RPS6KC1: variants seen among roughly 807,000 people sequenced by gnomAD.
The protein encoded by RPS6KC1 is ribosomal protein S6 kinase C1.
RPS6KC1 carries 54 observed loss-of-function variants against 103.8 expected under a neutral mutation model. The observed-to-expected ratio is 0.52, with a 90% confidence interval of 0.42 to 0.65. The LOEUF is 0.65. Among genes scored for constraint, RPS6KC1 ranks in the 30% least tolerant of loss-of-function variants. The pLI is 0.00. For synonymous variants in RPS6KC1, 439 were observed against 438.7 expected, an observed-to-expected ratio of 1.00 and a Z score of -0.01; for missense variants, 1,151 against 1,253.8, an observed-to-expected ratio of 0.92 and a Z score of 1.24.
rs527855383 is a variant in RPS6KC1, at chr1:213,167,723, T to C, written c.836-135T>C. 5 of 490,712 alleles carry C rather than the reference T, an allele frequency of 1.0e-5. No homozygotes were observed. In the Admixed American group the frequency reaches 1.9e-4, roughly 19 times the overall value. The allele number at this position is 490,712 out of a possible 1,614,324, so 30.4% of individuals were successfully genotyped here. A position where few individuals can be genotyped will look rare whatever the true frequency, so the allele number is the denominator to read the frequency against. ...ACTTGGTTGATACTAATAACTTTCA[T>C]GTCTTTTCCAATTTTGAATATCTCT... On this transcript the variant is annotated intron_variant, in intron 6 of 14. Coordinates refer to ENST00000366960, the MANE Select transcript of RPS6KC1 (RefSeq NM_012424.6).
intron 3 of RPS6KC1, among the ~76,000 whole-genome samples, chr1:213,098,332 G>C (rs565233888): frequency 2.0e-4 from 30 of 150,690 alleles, no homozygotes; most frequent in African/African-American, 6.8e-4. Flanking sequence ...TGTAGAGACG[G>C]GGTTTCACCA....
At chr1:213,334,395 G>A in the RPS6KC1 span, among the ~76,000 whole-genome samples, 1 of 152,178 alleles carries the variant, frequency 6.6e-6, no homozygotes, top group African/African-American at 2.4e-5. Context: ...AACAACACTA[G>A]GACCTCCAGC....
At chr1:213,628,575 T>C in the RPS6KC1 span, among the ~76,000 whole-genome samples, 46,614 of 152,008 alleles carry the variant, frequency 0.31, 9,255 homozygotes, top group African/African-American at 0.56. Flanking sequence ...GTGCTGCCCC[T>C]ATTAACTTGT....
At chr1:213,336,097 T>C in the RPS6KC1 span, among the ~76,000 whole-genome samples, 1 of 152,248 alleles carries the variant, frequency 6.6e-6, no homozygotes, top group Non-Finnish European at 1.5e-5. Context: ...AAAATGCTAA[T>C]ATTTGCTACA....
the RPS6KC1 span, among the ~76,000 whole-genome samples, chr1:213,610,741 G>C: frequency 6.6e-6 from 1 of 152,210 alleles, no homozygotes. Flanking sequence ...TACATATGTC[G>C]GCTGACCACA....
chr1:213,811,293 T>C, the RPS6KC1 span, among the ~76,000 whole-genome samples: 1 of 152,336 alleles, frequency 6.6e-6, no homozygotes, highest in East Asian at 1.9e-4. Flanking sequence ...GATACAGAAT[T>C]GAACGTGGCG....
chr1:213,688,110 CTTG>C, the RPS6KC1 span, among the ~76,000 whole-genome samples: 31 of 152,198 alleles, frequency 2.0e-4, 1 homozygote, highest in African/African-American at 7.0e-4. Context: ...AAAGATAGCT[CTTG>C]TTGTCTCTAA....
the RPS6KC1 span, among the ~76,000 whole-genome samples, chr1:213,456,309 T>C: frequency 6.6e-6 from 1 of 152,160 alleles, no homozygotes; most frequent in African/African-American, 2.4e-5. Flanking sequence ...TATATTCATA[T>C]ATACTTTAAT....
At chr1:213,861,016 C>G in the RPS6KC1 span, among the ~76,000 whole-genome samples, 1 of 152,032 alleles carries the variant, frequency 6.6e-6, no homozygotes, top group African/African-American at 2.4e-5. Flanking sequence ...ACCATGTTAG[C>G]CAGGATGGTC....
chr1:213,516,529 C>T, the RPS6KC1 span, among the ~76,000 whole-genome samples: 65 of 151,594 alleles, frequency 4.3e-4, no homozygotes, highest in Middle Eastern at 3.4e-3. Flanking sequence ...TGCTGGATTA[C>T]GTTTATTGAT....
intron 3 of RPS6KC1, among the ~76,000 whole-genome samples, chr1:213,078,577 T>C (rs2148537361): frequency 6.6e-6 from 1 of 152,236 alleles, no homozygotes. Context: ...AATTTTTGTA[T>C]TTTTAGTAGA....
rs1253481482 is a variant in RPS6KC1 at position 213,151,115 on chromosome 1, G to A, written c.836-16743G>A. 4.0e-4 allele frequency among the ~76,000 whole-genome samples: 58 copies of A among 146,652 alleles called. 1 individual carries two copies. The highest frequency in any genetic ancestry group is 1.4e-3 in the African/African-American group (54 of 39,366). ...TCCCGGATGGGGGGGCTGGCTGGGC[G>A]GGGGGCTGACCCCCCCACCTCCCTC... On this transcript the variant is annotated intron_variant, in intron 6 of 14. Coordinates refer to ENST00000366960, the MANE Select transcript of RPS6KC1 (RefSeq NM_012424.6).
At chr1:213,327,826 C>T in the RPS6KC1 span, among the ~76,000 whole-genome samples, 4 of 152,190 alleles carry the variant, frequency 2.6e-5, no homozygotes, top group South Asian at 8.3e-4. Flanking sequence ...CCTCCCTTTG[C>T]TTTGCTGTTC....
chr1:213,546,115 A>G, the RPS6KC1 span, among the ~76,000 whole-genome samples: 1 of 152,252 alleles, frequency 6.6e-6, no homozygotes, highest in African/African-American at 2.4e-5. Flanking sequence ...GAATGAGCAC[A>G]TGAACTAAAG....
chr1:213,147,308 T>C (rs956924305), intron 6 of RPS6KC1, among the ~76,000 whole-genome samples: 7 of 152,204 alleles, frequency 4.6e-5, no homozygotes, highest in African/African-American at 1.7e-4. Context: ...TGTTTTGTTG[T>C]AGTGGTTTTA....
chr1:213,140,522 GTTC>G (rs2086889584), intron 6 of RPS6KC1, among the ~76,000 whole-genome samples: 1 of 152,092 alleles, frequency 6.6e-6, no homozygotes, highest in Non-Finnish European at 1.5e-5. Flanking sequence ...TCGATGAGTA[GTTC>G]ATTGAGGATT....
the RPS6KC1 span, among the ~76,000 whole-genome samples, chr1:213,323,196 A>G: frequency 6.6e-6 from 1 of 152,044 alleles, no homozygotes; most frequent in South Asian, 2.1e-4. Context: ...CCTTCTGATT[A>G]TACTAGACCC....
At chr1:213,465,281 G>T in the RPS6KC1 span, among the ~76,000 whole-genome samples, 1 of 152,140 alleles carries the variant, frequency 6.6e-6, no homozygotes, top group Admixed American at 6.6e-5. Context: ...GTTTCCTGGG[G>T]AACCTGAACT....
the RPS6KC1 span, among the ~76,000 whole-genome samples, chr1:213,397,582 AACACATACAC>A: frequency 1.7e-4 from 15 of 89,132 alleles, no homozygotes; most frequent in African/African-American, 5.6e-4. Context: ...AAGAGTCAGG[AACACATACAC>A]ACACACACAC....
Sources: allele counts gnomAD v4.1 joint callset (sites outside exome capture counted in the v4.1 genomes callset), GRCh38; gene constraint gnomAD v4.1.1; transcripts MANE v1.5; gene names NCBI Gene and HGNC (gene_info 2026-07-23, HGNC 2026-07-21).